DNAH6: variants seen among roughly 807,000 people sequenced by gnomAD.
The protein encoded by DNAH6 is axonemal beta dynein heavy chain 6.
DNAH6 carries 340 observed loss-of-function variants against 491.4 expected under a neutral mutation model. That is an observed-to-expected ratio of 0.69 (90% CI 0.63 to 0.76). The LOEUF (loss-of-function observed/expected upper bound fraction) is 0.76. Ranked by LOEUF, DNAH6 falls within the 30% of genes least tolerant of loss-of-function variation. The probability of loss-of-function intolerance (pLI) is 0.00; values close to 1 mark genes in which losing one functional copy is unlikely to be tolerated. For synonymous variants in DNAH6, 1,603 were observed against 1,686.1 expected, an observed-to-expected ratio of 0.95 and a Z score of 1.21; for missense variants, 4,443 against 4,972.2, an observed-to-expected ratio of 0.89 and a Z score of 3.20.
intron 21 of DNAH6, among the ~76,000 whole-genome samples, chr2:84,609,515 G>A (rs1459851893): frequency 1.3e-5 from 2 of 151,954 alleles, no homozygotes; most frequent in Non-Finnish European, 2.9e-5. Flanking sequence ...AATGAGATGG[G>A]GAACAGGGGA....
At chr2:84,703,170 C>G (rs975495757) in intron 49 of DNAH6, among the ~76,000 whole-genome samples, 4 of 152,212 alleles carry the variant, frequency 2.6e-5, no homozygotes, top group Non-Finnish European at 5.9e-5. Context: ...CTGCTGTGGC[C>G]AGAGGGCATG....
intron 11 of DNAH6, among the ~76,000 whole-genome samples, chr2:84,560,049 G>A (rs1350625300): frequency 6.6e-6 from 1 of 152,042 alleles, no homozygotes; most frequent in Non-Finnish European, 1.5e-5. Flanking sequence ...TGGAAGACAG[G>A]CAAAGAAGAA....
At chr2:84,614,698 T>C (rs1686674243) in intron 22 of DNAH6, among the ~76,000 whole-genome samples, 1 of 151,992 alleles carries the variant, frequency 6.6e-6, no homozygotes, top group Non-Finnish European at 1.5e-5. Context: ...CAACATCTAT[T>C]ATTTTTTTTA....
At chr2:84,575,620 CA>C (rs1243461876) in intron 12 of DNAH6, among the ~76,000 whole-genome samples, 5 of 152,188 alleles carry the variant, frequency 3.3e-5, no homozygotes, top group Non-Finnish European at 7.3e-5. Context: ...CGCGGTGGCT[CA>C]CGCCTGTAAT....
chr2:84,791,480 C>T (rs1677736620), intron 68 of DNAH6, among the ~76,000 whole-genome samples: 1 of 151,662 alleles, frequency 6.6e-6, no homozygotes, highest in South Asian at 2.1e-4. Flanking sequence ...ACGAGTCAAG[C>T]CTATAGAGAT....
intron 4 of DNAH6, among the ~76,000 whole-genome samples, chr2:84,535,429 G>A (rs955556223): frequency 2.0e-5 from 3 of 151,766 alleles, no homozygotes; most frequent in Non-Finnish European, 4.4e-5. Context: ...ATTAACCAGT[G>A]GTGTCAAACA....
intron 70 of DNAH6, among the ~76,000 whole-genome samples, chr2:84,798,831 CCA>C (rs1678593495): frequency 6.6e-6 from 1 of 152,140 alleles, no homozygotes; most frequent in Non-Finnish European, 1.5e-5. Flanking sequence ...GGGGAAAAAT[CCA>C]CAGTTCTGGT....
At chr2:84,579,293 A>G (rs538557882) in intron 13 of DNAH6, among the ~76,000 whole-genome samples, 1 of 152,360 alleles carries the variant, frequency 6.6e-6, no homozygotes, top group East Asian at 1.9e-4. Context: ...ATACTTGCAA[A>G]ATATTAGAGC....
At chr2:84,695,133 C>T (rs1437582800) in intron 46 of DNAH6, among the ~76,000 whole-genome samples, 1 of 151,940 alleles carries the variant, frequency 6.6e-6, no homozygotes, top group East Asian at 1.9e-4. Context: ...GAGTTTATAT[C>T]TTATTATAAA....
chr2:84,798,795 A>G (rs929402231), intron 70 of DNAH6, among the ~76,000 whole-genome samples: 1 of 152,094 alleles, frequency 6.6e-6, no homozygotes, highest in Non-Finnish European at 1.5e-5. Context: ...CCCCCATCAC[A>G]GCCAGTGCTT....
At chr2:84,630,625 C>T (rs2104448564) in intron 29 of DNAH6, among the ~76,000 whole-genome samples, 1 of 152,280 alleles carries the variant, frequency 6.6e-6, no homozygotes, top group South Asian at 2.1e-4. Context: ...ATTTAAGAGA[C>T]ACAGTAACCA....
Position 84,552,902 on chromosome 2 carries a change from C to T in DNAH6, c.1486-16C>T, listed in dbSNP as rs765749291. The T allele has an allele frequency of 4.7e-6, 7 of 1,487,206 alleles. No homozygotes were observed. Among genetic ancestry groups the T allele is most frequent in the Middle Eastern group, 1.7e-4 (1 of 5,760 alleles). 92.1% of individuals were successfully genotyped at this position (1,487,206 alleles called of 1,614,324 possible). ...ATACTTGTGTCTTTATAACACTGTA[C>T]ATATATTCATTTCAGGGGACCCTTA... On this transcript the variant is annotated splice_polypyrimidine_tract_variant and intron_variant, in intron 9 of 76. Coordinates refer to ENST00000389394, the MANE Select transcript of DNAH6 (RefSeq NM_001370.2).
At chr2:84,797,289 G>A (rs550151250) in intron 69 of DNAH6, among the ~76,000 whole-genome samples, 10 of 152,248 alleles carry the variant, frequency 6.6e-5, no homozygotes, top group African/African-American at 1.4e-4. Context: ...TGGATTCTCC[G>A]CATCTTTAAA....
At chr2:84,706,867 G>A (rs1450781227) in intron 52 of DNAH6, 29 bp from the exon 53 acceptor site, 2 of 1,525,604 alleles carry the variant, frequency 1.3e-6, no homozygotes, top group South Asian at 2.6e-5. Flanking sequence ...TTTTGGCCCT[G>A]TTCTTAAACA....
At chr2:84,521,204 T>A (rs1412402402) in intron 2 of DNAH6, among the ~76,000 whole-genome samples, 1 of 152,098 alleles carries the variant, frequency 6.6e-6, no homozygotes, top group Non-Finnish European at 1.5e-5. Context: ...TGGTTTTGAT[T>A]TGCGTTTCTC....
intron 4 of DNAH6, among the ~76,000 whole-genome samples, chr2:84,543,132 C>T (rs1348728012): frequency 6.6e-6 from 1 of 152,122 alleles, no homozygotes; most frequent in African/African-American, 2.4e-5. Flanking sequence ...GCATTCCATC[C>T]TGGGCAACAG....
intron 67 of DNAH6, 26 bp from the exon 68 acceptor site, chr2:84,787,138 C>T: frequency 2.8e-6 from 4 of 1,453,666 alleles, no homozygotes; most frequent in Non-Finnish European, 2.7e-6. Flanking sequence ...AATTTTATTT[C>T]AGATCATTTT....
chr2:84,621,791 C>G (rs1490509754), intron 26 of DNAH6, among the ~76,000 whole-genome samples: 1 of 151,984 alleles, frequency 6.6e-6, no homozygotes, highest in Non-Finnish European at 1.5e-5. Flanking sequence ...AAAAACAATT[C>G]CAGAACAAAA....
intron 7 of DNAH6, among the ~76,000 whole-genome samples, chr2:84,548,003 A>G (rs764017021): frequency 2.2e-4 from 33 of 152,334 alleles, no homozygotes; most frequent in Non-Finnish European, 4.0e-4. Flanking sequence ...ACTAAATTGT[A>G]GGTAGAAAAG....
Sources: gnomAD v4.1 joint callset for allele counts (sites outside exome capture counted in the v4.1 genomes callset) on GRCh38, gnomAD v4.1.1 for gene constraint, MANE v1.5 for transcripts, NCBI Gene and HGNC (gene_info 2026-07-23, HGNC 2026-07-21) for gene names.